The following LRP1B variants were observed in gnomAD, a reference collection of about 807,000 sequenced individuals.
LRP1B encodes the protein low-density lipoprotein receptor-related protein 1B.
Under a neutral mutation model 556.6 loss-of-function variants are expected in LRP1B, and 217 were observed. That is an observed-to-expected ratio of 0.39 (90% confidence interval 0.35 to 0.44). LRP1B has a LOEUF of 0.44. Ranked by LOEUF, LRP1B falls within the 20% of genes least tolerant of loss-of-function variation. The pLI is 1.00. For missense variants in LRP1B, 5,053 were observed against 5,620.8 expected (o/e 0.90, Z 3.23); for synonymous variants, 2,047 against 1,865.8 (o/e 1.10, Z -2.50).
chr2:141,425,278 C>G (rs971994988), intron 3 of LRP1B, among the ~76,000 whole-genome samples: 1 of 150,894 alleles, frequency 6.6e-6, no homozygotes, highest in Admixed American at 6.6e-5. Flanking sequence ...CATAGTATTC[C>G]ATGGTGTATA....
intron 1 of LRP1B, among the ~76,000 whole-genome samples, chr2:141,833,668 G>A (rs181397171): frequency 4.6e-5 from 7 of 151,822 alleles, no homozygotes; most frequent in Non-Finnish European, 8.8e-5. Flanking sequence ...TGCCAAGAGC[G>A]AGTCATTAGC....
At chr2:140,995,758 T>C (rs1338841104) in intron 15 of LRP1B, among the ~76,000 whole-genome samples, 1 of 152,054 alleles carries the variant, frequency 6.6e-6, no homozygotes, top group Non-Finnish European at 1.5e-5. Context: ...AAACTATCTT[T>C]TTATGTTTTG....
chr2:141,923,452 G>A lies in LRP1B; in HGVS notation c.83-113051C>T, dbSNP rs1211736727. 4.9e-3 allele frequency among the ~76,000 whole-genome samples: 470 copies of A among 96,634 alleles called. 2 individuals are homozygous for A. The highest frequency in any genetic ancestry group is 0.015 in the African/African-American group (432 of 29,198). The allele number at this position is 96,634 out of a possible 152,430, so 63.4% of individuals were successfully genotyped here. A position where few individuals can be genotyped will look rare whatever the true frequency, so the allele number is the denominator to read the frequency against. ...ACAAAGAGATTATATATATATGTGT[G>A]TGTGTGTGTGTGTGTGTGTGTGTGT... On this transcript the variant is annotated intron_variant, in intron 1 of 90. Transcript: ENST00000389484.
At chr2:141,796,820 A>AT (rs1340980082) in intron 2 of LRP1B, among the ~76,000 whole-genome samples, 9 of 151,032 alleles carry the variant, frequency 6.0e-5, no homozygotes, top group South Asian at 2.1e-4. Context: ...TTTGGGAGGA[A>AT]TTTTTTTTTG....
chr2:141,872,659 T>A (rs1196914181), intron 1 of LRP1B, among the ~76,000 whole-genome samples: 2 of 151,796 alleles, frequency 1.3e-5, no homozygotes, highest in East Asian at 3.9e-4. Context: ...AGAAAGGCCA[T>A]CTCAGGTCAT....
intron 77 of LRP1B, among the ~76,000 whole-genome samples, chr2:140,343,515 A>AG (rs1681499626): frequency 6.6e-6 from 1 of 151,654 alleles, no homozygotes; most frequent in East Asian, 1.9e-4. Context: ...ATAAATATTG[A>AG]AATGAAGGAT....
At chr2:140,389,107 T>G (rs1273306214) in intron 66 of LRP1B, among the ~76,000 whole-genome samples, 1 of 150,868 alleles carries the variant, frequency 6.6e-6, no homozygotes, top group African/African-American at 2.5e-5. Flanking sequence ...TTTTCAAGTA[T>G]TATAAGTATG....
chr2:140,737,818 C>T (rs1236189926), intron 35 of LRP1B, among the ~76,000 whole-genome samples: 4 of 152,164 alleles, frequency 2.6e-5, no homozygotes, highest in Admixed American at 6.6e-5. Context: ...AGATGAATGC[C>T]GGAGAATGAT....
intron 3 of LRP1B, among the ~76,000 whole-genome samples, chr2:141,422,081 G>T (rs1680163645): frequency 1.3e-5 from 2 of 152,110 alleles, no homozygotes; most frequent in Non-Finnish European, 2.9e-5. Flanking sequence ...AATGACTTTT[G>T]CAAAGTGATA....
rs568930552 is a variant in LRP1B, at chr2:140,721,708, C to A, written c.5759-4892G>T. ...GAATACAGGCGCCCACCAGCACACC[C>A]GGCTATTTTTTTTTTTTTTTTTGTA... is the stretch of plus-strand genomic sequence containing the variant. On this transcript the variant is annotated intron_variant, in intron 35 of 90. Transcript: ENST00000389484. 9.0e-4 allele frequency among the ~76,000 whole-genome samples: 99 copies of A among 110,040 alleles called. 1 individual carries two copies. The East Asian group carries it at 0.022, about 24-fold the overall frequency. 72.2% of individuals were successfully genotyped at this position (110,040 alleles called of 152,430 possible). A position where few individuals can be genotyped will look rare whatever the true frequency, so the allele number is the denominator to read the frequency against.
At chr2:140,674,216 CTGAGATTACAGGCA>C (rs1350055455) in intron 41 of LRP1B, among the ~76,000 whole-genome samples, 2 of 152,108 alleles carry the variant, frequency 1.3e-5, no homozygotes, top group African/African-American at 2.4e-5. Context: ...TCCCAAAATG[CTGAGATTACAGGCA>C]TGAACCACTG....
At chr2:141,822,960 C>T (rs1042949187) in intron 1 of LRP1B, among the ~76,000 whole-genome samples, 3 of 152,114 alleles carry the variant, frequency 2.0e-5, no homozygotes, top group Non-Finnish European at 2.9e-5. Flanking sequence ...TAACACATTC[C>T]GTGAACAGAG....
intron 3 of LRP1B, among the ~76,000 whole-genome samples, chr2:141,322,105 G>A (rs868839703): frequency 6.6e-6 from 1 of 152,044 alleles, no homozygotes; most frequent in East Asian, 1.9e-4. Flanking sequence ...TATTGTTAAT[G>A]TTTGAAAATA....
intron 7 of LRP1B, among the ~76,000 whole-genome samples, chr2:141,174,822 A>G (rs1697098278): frequency 2.0e-5 from 3 of 152,126 alleles, no homozygotes; most frequent in African/African-American, 7.2e-5. Flanking sequence ...ATACAGGAAG[A>G]TGTGGGAAAG....
intron 84 of LRP1B, among the ~76,000 whole-genome samples, chr2:140,276,128 T>C (rs1269602172): frequency 6.6e-6 from 1 of 152,026 alleles, no homozygotes; most frequent in Admixed American, 6.6e-5. Context: ...TGAGATTAGC[T>C]GAGATAAAAA....
chr2:141,404,663 T>A (rs1228038640), intron 3 of LRP1B, among the ~76,000 whole-genome samples: 1 of 152,198 alleles, frequency 6.6e-6, no homozygotes, highest in African/African-American at 2.4e-5. Flanking sequence ...GCTGAATGTA[T>A]AGTGGCATAA....
chr2:140,524,042 C>CTGTTTACTCTGGGAGAAAATATTT (rs1314298648), intron 49 of LRP1B, among the ~76,000 whole-genome samples: 2 of 151,492 alleles, frequency 1.3e-5, no homozygotes, highest in Non-Finnish European at 3.0e-5. Flanking sequence ...AAACAGGTAC[C>CTGTTTACTCTGGGAGAAAATATTT]CTGGGAGAAA....
At chr2:141,152,848 C>T (rs139374297) in intron 7 of LRP1B, among the ~76,000 whole-genome samples, 296 of 151,550 alleles carry the variant, frequency 2.0e-3, no homozygotes, top group Non-Finnish European at 3.5e-3. Context: ...AATACCAACA[C>T]CTACACTTTC....
intron 1 of LRP1B, among the ~76,000 whole-genome samples, chr2:142,114,903 G>A (rs1453142234): frequency 6.6e-6 from 1 of 151,968 alleles, no homozygotes; most frequent in Non-Finnish European, 1.5e-5. Flanking sequence ...TTGGAATGTT[G>A]ACAACAAAAA....
Sources: allele counts gnomAD v4.1 joint callset (sites outside exome capture counted in the v4.1 genomes callset), GRCh38; gene constraint gnomAD v4.1.1; transcripts MANE v1.5; gene names NCBI Gene and HGNC (gene_info 2026-07-23, HGNC 2026-07-21).